The following PDE1A variants were observed in gnomAD, a reference collection of about 807,000 sequenced individuals.
PDE1A encodes phosphodiesterase 1A.
PDE1A carries 35 observed loss-of-function variants against 61.7 expected under a neutral mutation model. The ratio of observed to expected loss-of-function variants is 0.57; its 90% CI spans 0.43 to 0.75. The LOEUF is 0.75. PDE1A is among the 30% of genes least tolerant of loss of function. The pLI is 0.00. For synonymous variants in PDE1A, 232 were observed against 213.2 expected (o/e 1.09, Z -0.77); for missense variants, 597 against 630.6 (o/e 0.95, Z 0.57).
intron 2 of PDE1A, among the ~76,000 whole-genome samples, chr2:182,493,371 G>A (rs1688514035): frequency 6.6e-6 from 1 of 151,830 alleles, no homozygotes; most frequent in Non-Finnish European, 1.5e-5. Context: ...CCGTGTTGGT[G>A]TGCTGCACCC....
the PDE1A span, among the ~76,000 whole-genome samples, chr2:182,579,059 A>C: frequency 6.6e-6 from 1 of 152,256 alleles, no homozygotes; most frequent in Non-Finnish European, 1.5e-5. Flanking sequence ...AAATGTTTTC[A>C]CCTTGAGTGA....
chr2:182,628,182 A>G, the PDE1A span, among the ~76,000 whole-genome samples: 1 of 152,110 alleles, frequency 6.6e-6, no homozygotes, highest in Non-Finnish European at 1.5e-5. Flanking sequence ...GATTATTGTT[A>G]TCGCTAATTT....
At chr2:182,382,988 T>A (rs955413138) in intron 1 of PDE1A, among the ~76,000 whole-genome samples, 3 of 152,182 alleles carry the variant, frequency 2.0e-5, no homozygotes, top group Non-Finnish European at 4.4e-5. Context: ...ACCAAGATAA[T>A]CATTAACAAC....
chr2:182,691,371 T>C, the PDE1A span, among the ~76,000 whole-genome samples: 2 of 152,078 alleles, frequency 1.3e-5, no homozygotes, highest in South Asian at 4.1e-4. Context: ...TCAGAAATAA[T>C]ACCACACATC....
chr2:182,147,847 A>G (rs1240562802), intron 13 of PDE1A, among the ~76,000 whole-genome samples: 6 of 152,244 alleles, frequency 3.9e-5, no homozygotes, highest in Non-Finnish European at 8.8e-5. Flanking sequence ...GTCATATACA[A>G]TGAAAGTTTC....
Position 182,220,243 on chromosome 2 carries a change from A to G in PDE1A, c.776+3621T>C, listed in dbSNP as rs574998643. 5.3e-5 allele frequency among the ~76,000 whole-genome samples: 8 copies of G among 152,202 alleles called. No homozygotes were observed. The East Asian group carries it at 1.5e-3, about 29-fold the overall frequency. On this transcript the variant is annotated intron_variant, in intron 7 of 13. Transcript: ENST00000351439. The stretch of plus-strand genomic sequence containing the variant: ...CTAGCAAAGCACATGTATAATTCTC[A>G]TTGAAGAGATAATTGAAGAGATGTT...
intron 1 of PDE1A, among the ~76,000 whole-genome samples, chr2:182,306,476 CCACACACACA>C (rs148572435): frequency 2.7e-5 from 4 of 148,806 alleles, no homozygotes; most frequent in Non-Finnish European, 6.0e-5. Context: ...TCATATGGAA[CCACACACACA>C]CACACACACA....
chr2:182,197,504 C>A (rs550368216), intron 10 of PDE1A, among the ~76,000 whole-genome samples: 4 of 149,872 alleles, frequency 2.7e-5, no homozygotes, highest in South Asian at 2.1e-4. Context: ...TCTTCTCTTG[C>A]GTTTTCCTCT....
chr2:182,304,565 T>A (rs1442970657), intron 1 of PDE1A, among the ~76,000 whole-genome samples: 1 of 152,196 alleles, frequency 6.6e-6, no homozygotes, highest in Non-Finnish European at 1.5e-5. Context: ...GCTTATGATT[T>A]AAAGTAGGAG....
At chr2:182,265,341 G>C (rs999391219) in intron 1 of PDE1A, among the ~76,000 whole-genome samples, 3 of 152,068 alleles carry the variant, frequency 2.0e-5, no homozygotes, top group African/African-American at 7.2e-5. Flanking sequence ...CTGACTGCTA[G>C]ATTCGCTATT....
At chr2:182,218,427 TAA>T (rs60847293) in intron 7 of PDE1A, among the ~76,000 whole-genome samples, 1 of 151,698 alleles carries the variant, frequency 6.6e-6, no homozygotes, top group Non-Finnish European at 1.5e-5. Flanking sequence ...AATAAAAAAT[TAA>T]AAAAACAAGA....
At chr2:182,673,372 T>A in the PDE1A span, among the ~76,000 whole-genome samples, 1 of 152,192 alleles carries the variant, frequency 6.6e-6, no homozygotes, top group African/African-American at 2.4e-5. Flanking sequence ...GTTCCATGGA[T>A]CTCTTGTGTT....
the PDE1A span, among the ~76,000 whole-genome samples, chr2:182,663,846 G>T: frequency 0.065 from 9,915 of 151,470 alleles, 1,037 homozygotes; most frequent in African/African-American, 0.23. Flanking sequence ...AAAGAAAAAC[G>T]GTCTGCAAGA....
intron 2 of PDE1A, among the ~76,000 whole-genome samples, chr2:182,244,491 T>G (rs1690803989): frequency 6.6e-6 from 1 of 152,180 alleles, no homozygotes; most frequent in African/African-American, 2.4e-5. Context: ...CTCCTCCATT[T>G]GCTGACTGAG....
the PDE1A span, among the ~76,000 whole-genome samples, chr2:182,678,044 T>C: frequency 1.3e-5 from 2 of 152,154 alleles, no homozygotes; most frequent in Admixed American, 1.3e-4. Context: ...AGCACCCCTT[T>C]TAAAGGCAAG....
chr2:182,529,139 T>C, the PDE1A span, among the ~76,000 whole-genome samples: 1 of 152,114 alleles, frequency 6.6e-6, no homozygotes, highest in Non-Finnish European at 1.5e-5. Flanking sequence ...TGCACGTGGA[T>C]AGGTACCACA....
chr2:182,150,106 A>G (rs773396037), intron 13 of PDE1A, among the ~76,000 whole-genome samples: 1 of 152,228 alleles, frequency 6.6e-6, no homozygotes, highest in Non-Finnish European at 1.5e-5. Flanking sequence ...ATATAAGTGT[A>G]TAATAGGTAT....
chr2:182,615,851 C>G, the PDE1A span, among the ~76,000 whole-genome samples: 1 of 152,078 alleles, frequency 6.6e-6, no homozygotes, highest in Non-Finnish European at 1.5e-5. Flanking sequence ...GAAACCCACT[C>G]CCACGTTAAT....
At chr2:182,337,483 T>G (rs1697911064) in intron 1 of PDE1A, among the ~76,000 whole-genome samples, 1 of 152,186 alleles carries the variant, frequency 6.6e-6, no homozygotes, top group Non-Finnish European at 1.5e-5. Flanking sequence ...ACCTAAAACT[T>G]TTGGTAAATA....
Sources: gnomAD v4.1 joint callset for allele counts (sites outside exome capture counted in the v4.1 genomes callset) on GRCh38, gnomAD v4.1.1 for gene constraint, MANE v1.5 for transcripts, NCBI Gene and HGNC (gene_info 2026-07-23, HGNC 2026-07-21) for gene names.